SMAP1: variants seen among roughly 807,000 people sequenced by gnomAD.
The protein encoded by SMAP1 is stromal membrane-associated protein 1.
Under a neutral mutation model 58.5 loss-of-function variants are expected in SMAP1, and 24 were observed. That is an observed-to-expected ratio of 0.41 (90% CI 0.30 to 0.58). The LOEUF is 0.58. Among genes scored for constraint, SMAP1 ranks in the 20% least tolerant of loss-of-function variants. The pLI is 0.29. For synonymous variants in SMAP1, 216 were observed against 196.6 expected, an observed-to-expected ratio of 1.10 and a Z score of -0.82; for missense variants, 563 against 566.3, an observed-to-expected ratio of 0.99 and a Z score of 0.06.
chr6:70,771,483 C>T (rs541013890), intron 3 of SMAP1, among the ~76,000 whole-genome samples: 47 of 152,316 alleles, frequency 3.1e-4, no homozygotes, highest in African/African-American at 1.1e-3. Context: ...GCCTCCCTGC[C>T]GCCTTGCAGT....
At chr6:70,809,444 A>G (rs960375142) in intron 6 of SMAP1, among the ~76,000 whole-genome samples, 3 of 152,204 alleles carry the variant, frequency 2.0e-5, no homozygotes, top group Non-Finnish European at 2.9e-5. Context: ...ACAATTGCAA[A>G]TCTGTTGAAC....
intron 6 of SMAP1, among the ~76,000 whole-genome samples, chr6:70,802,082 T>C (rs985572921): frequency 1.3e-5 from 2 of 152,234 alleles, no homozygotes; most frequent in African/African-American, 2.4e-5. Flanking sequence ...GAAGATGGCA[T>C]TAAATCTATA....
intron 7 of SMAP1, among the ~76,000 whole-genome samples, chr6:70,838,807 A>G (rs1475481833): frequency 6.6e-6 from 1 of 152,208 alleles, no homozygotes; most frequent in African/African-American, 2.4e-5. Flanking sequence ...CTGGAAAGAC[A>G]CTGGAGGAAT....
intron 6 of SMAP1, among the ~76,000 whole-genome samples, chr6:70,811,588 A>G (rs1319274725): frequency 6.6e-6 from 1 of 151,838 alleles, no homozygotes; most frequent in African/African-American, 2.4e-5. Flanking sequence ...ACACACACAC[A>G]CACATACCAA....
chr6:70,806,139 C>G (rs1562174820), intron 6 of SMAP1, among the ~76,000 whole-genome samples: 1 of 152,248 alleles, frequency 6.6e-6, no homozygotes, highest in Non-Finnish European at 1.5e-5. Flanking sequence ...GGCAGTGAGC[C>G]TTGCTGAGCT....
intron 2 of SMAP1, among the ~76,000 whole-genome samples, chr6:70,735,455 T>A (rs1765583331): frequency 6.6e-6 from 1 of 152,238 alleles, no homozygotes; most frequent in Non-Finnish European, 1.5e-5. Flanking sequence ...CATATTCATA[T>A]GATATTTTAT....
intron 6 of SMAP1, among the ~76,000 whole-genome samples, chr6:70,801,848 G>T (rs895131482): frequency 1.3e-5 from 2 of 152,126 alleles, no homozygotes; most frequent in Admixed American, 6.5e-5. Context: ...TATTTCTGAG[G>T]CTTCTGTTCT....
chr6:70,695,130 T>C (rs550989853), intron 1 of SMAP1, among the ~76,000 whole-genome samples: 10 of 152,342 alleles, frequency 6.6e-5, no homozygotes, highest in African/African-American at 1.9e-4. Context: ...TTTTGTATAT[T>C]GATTGTGTAT....
At position 70,791,710 on chromosome 6, in the gene SMAP1, C is replaced by T. The variant is rs752220620; in HGVS notation, c.436C>T (p.Leu146Phe). The change falls in exon 5 of 11, where the codon CTT becomes TTT. Residue 146 changes from leucine (L) to phenylalanine (F), a missense_variant. Coordinates refer to ENST00000370455, the MANE Select transcript of SMAP1 (RefSeq NM_001044305.3). ...ITNISSSDAP[L>F]QPLVSSPSLQ... Reference sequence around the variant, plus strand: ...ACAGATTTCCTCCTCTGATGCTCCTCTTCAGCCTTTGGTATCCTCTCCTTC... The same window carrying T: ...ACAGATTTCCTCCTCTGATGCTCCTTTTCAGCCTTTGGTATCCTCTCCTTC... 78 of 1,613,344 alleles carry T rather than the reference C, an allele frequency of 4.8e-5. No individual in the cohort carries two copies. The highest frequency in any genetic ancestry group is 6.2e-5 in the Non-Finnish European group (73 of 1,179,776).
intron 7 of SMAP1, among the ~76,000 whole-genome samples, chr6:70,847,254 T>A (rs1267211583): frequency 4.6e-5 from 7 of 152,202 alleles, no homozygotes. Context: ...TTTGAAATGT[T>A]ACCTCTTTCT....
At chr6:70,724,313 C>T (rs1282444586) in intron 1 of SMAP1, among the ~76,000 whole-genome samples, 2 of 152,104 alleles carry the variant, frequency 1.3e-5, no homozygotes, top group Non-Finnish European at 2.9e-5. Context: ...TCTCCTGCCT[C>T]AGCCTCCCAA....
chr6:70,700,756 C>CT (rs1767594892), intron 1 of SMAP1, among the ~76,000 whole-genome samples: 1 of 152,218 alleles, frequency 6.6e-6, no homozygotes, highest in Non-Finnish European at 1.5e-5. Flanking sequence ...TACCCAAGGC[C>CT]TGCAGCAAGT....
intron 6 of SMAP1, among the ~76,000 whole-genome samples, chr6:70,808,763 T>C (rs1769254756): frequency 6.6e-6 from 1 of 152,118 alleles, no homozygotes; most frequent in South Asian, 2.1e-4. Flanking sequence ...CAGTGACTTT[T>C]CCTCACTATT....
chr6:70,802,469 T>C (rs1185799359), intron 6 of SMAP1, among the ~76,000 whole-genome samples: 2 of 152,204 alleles, frequency 1.3e-5, no homozygotes, highest in East Asian at 3.9e-4. Context: ...AGAATTTGAC[T>C]TCCTCTTTTC....
chr6:70,729,438 CAAA>C (rs71538438), intron 1 of SMAP1, among the ~76,000 whole-genome samples: 1 of 81,700 alleles, frequency 1.2e-5, no homozygotes, highest in Middle Eastern at 6.0e-3. Context: ...GACTCCGTCT[CAAA>C]AAAAAAAAAA....
chr6:70,859,512 T>C, intron 10 of SMAP1: 1 of 761,854 alleles, frequency 1.3e-6, no homozygotes, highest in Non-Finnish European at 2.1e-6. Context: ...TCAAGTCAAA[T>C]GTATTAAATT....
intron 2 of SMAP1, among the ~76,000 whole-genome samples, chr6:70,752,155 C>G (rs1266860394): frequency 1.3e-5 from 2 of 152,148 alleles, no homozygotes; most frequent in African/African-American, 4.8e-5. Flanking sequence ...GGAACTGAAT[C>G]TTAGTGTCAG....
chr6:70,818,419 C>T (rs1769737981), intron 6 of SMAP1, among the ~76,000 whole-genome samples: 1 of 151,950 alleles, frequency 6.6e-6, no homozygotes, highest in Non-Finnish European at 1.5e-5. Context: ...AAAAAAAAGC[C>T]TATTTCTGGG....
chr6:70,755,180 T>A, intron 3 of SMAP1, 115 bp downstream of exon 3: 1 of 812,676 alleles, frequency 1.2e-6, no homozygotes, highest in Non-Finnish European at 1.9e-6. Flanking sequence ...TACTGTTCAT[T>A]AAAGATAGAA....
Sources: gnomAD v4.1 joint callset for allele counts (sites outside exome capture counted in the v4.1 genomes callset) on GRCh38, gnomAD v4.1.1 for gene constraint, MANE v1.5 for transcripts, NCBI Gene and HGNC (gene_info 2026-07-23, HGNC 2026-07-21) for gene names.